Variants in PRKDC observed in about 807,000 individuals in gnomAD.
PRKDC encodes DNA-dependent protein kinase catalytic subunit.
PRKDC carries 82 observed loss-of-function variants against 486.9 expected under a neutral mutation model. That is an observed-to-expected ratio of 0.17 (90% CI 0.14 to 0.20). The LOEUF (loss-of-function observed/expected upper bound fraction) is 0.20, where lower values mean the gene tolerates loss of function less well. Among genes scored for constraint, PRKDC ranks in the 10% least tolerant of loss-of-function variants. The probability of loss-of-function intolerance (pLI) is 1.00; values close to 1 mark genes in which losing one functional copy is unlikely to be tolerated. For missense variants in PRKDC, 4,504 were observed against 5,038.2 expected, an observed-to-expected ratio of 0.89 and a Z score of 3.21; for synonymous variants, 1,895 against 1,837.0, an observed-to-expected ratio of 1.03 and a Z score of -0.81.
At chr8:47,885,461 A>T (rs2089306279) in intron 36 of PRKDC, among the ~76,000 whole-genome samples, 1 of 152,032 alleles carries the variant, frequency 6.6e-6, no homozygotes, top group Non-Finnish European at 1.5e-5. Flanking sequence ...CCTAATATTC[A>T]TTAACTATTG....
Position 47,893,144 on chromosome 8 carries a change from A to G in PRKDC, c.3842T>C (p.Val1281Ala). The G allele has an allele frequency of 6.2e-7, 1 of 1,601,112 alleles. No individual in the cohort carries two copies. The change falls in exon 31 of 86, where the codon GTC becomes GCC. Residue 1281 changes from valine (V) to alanine (A), a missense_variant. Physicochemically the swap from Val to Ala is moderately conservative, Grantham distance 64 (BLOSUM62 0). This residue lies in a region of PRKDC where 1,969 missense variants were observed against 2,068.9 expected (regional missense o/e 0.95). Transcript: ENST00000314191. ...IGERTVGALQ[V>A]LGTEAQSSLL... ...ATAAGGCAAGGGTGACCTACCTAGG[A>G]CCTGGAGCGCTCCTACAGTTCTCTC... is the stretch of plus-strand genomic sequence containing the variant.
At chr8:47,852,899 A>G (rs1258871107) in intron 51 of PRKDC, 115 bp from the exon 52 acceptor site, 2 of 699,910 alleles carry the variant, frequency 2.9e-6, no homozygotes, top group Non-Finnish European at 4.8e-6. Flanking sequence ...GAGGAAATCT[A>G]AATATAGAAT....
intron 15 of PRKDC, 96 bp downstream of exon 15, chr8:47,933,869 T>C (rs2090300532): frequency 4.6e-6 from 6 of 1,303,314 alleles, no homozygotes; most frequent in Admixed American, 5.4e-5. Context: ...TTTTGAAAGT[T>C]AGTAAAATAT....
intron 13 of PRKDC, 147 bp from the exon 14 acceptor site, chr8:47,935,205 A>C (rs2090327931): frequency 1.5e-6 from 1 of 661,374 alleles, no homozygotes; most frequent in Non-Finnish European, 2.5e-6. Context: ...TTTAATTTTA[A>C]AACTTAAAAC....
At chr8:47,793,283 C>G (rs1438107248) in intron 74 of PRKDC, among the ~76,000 whole-genome samples, 3 of 152,174 alleles carry the variant, frequency 2.0e-5, no homozygotes, top group Non-Finnish European at 4.4e-5. Flanking sequence ...GTGGGCAGGG[C>G]CTCAGTAGGG....
At chr8:47,921,254 CA>C (rs200876983) in intron 21 of PRKDC, among the ~76,000 whole-genome samples, 14 of 139,254 alleles carry the variant, frequency 1.0e-4, no homozygotes, top group Middle Eastern at 3.7e-3. Flanking sequence ...GACTCCATCT[CA>C]AAAAAAAAAG....
chr8:47,794,349 G>A lies in PRKDC; in HGVS notation c.10611C>T (p.Ser3537=), dbSNP rs765260421. 1.1e-5 allele frequency: 17 copies of A among 1,613,648 alleles called. No homozygotes were observed. The highest frequency in any genetic ancestry group is 3.3e-5 in the Admixed American group (2 of 59,960). The change falls in exon 74 of 86, where the codon AGC becomes AGT. Residue 3537 remains serine (S), a synonymous_variant. Transcript: ENST00000314191. ...QAIVYPFIIS[S]ESYSFKDTST... The stretch of plus-strand genomic sequence containing the variant: ...AAGTATCCTTGAAGGAATAGCTTTC[G>A]CTGCTTATGATGAAGGGATAAACAA...
chr8:47,816,071 G>A (rs754751840), intron 68 of PRKDC, among the ~76,000 whole-genome samples: 10 of 152,066 alleles, frequency 6.6e-5, no homozygotes, highest in Non-Finnish European at 1.0e-4. Context: ...AAATTTAGCC[G>A]GGCATGGTAG....
In PRKDC at chr8:47,882,037, G is replaced by A. The variant is rs755767960; in HGVS notation, c.4837C>T (p.His1613Tyr). Residue 1613 changes from histidine (H) to tyrosine (Y), a missense_variant, in exon 37 of 86, where the codon CAC (histidine) becomes TAC (tyrosine). His to Tyr is a moderately conservative substitution (Grantham distance 83). Around this residue, in one of 6 missense-constraint regions of PRKDC, gnomAD observed 1,969 missense variants for 2,068.9 expected, o/e 0.95. Coordinates refer to ENST00000314191, the MANE Select transcript of PRKDC (RefSeq NM_006904.7). ...GTAGTCGCAAGTTTCAGTCCTTGGT[G>A]TTTCTGGTTTGCTCGCTCCCTGAAG... ...QSFRERANQK[H>Y]QGLKLATTIL... 2.5e-6 allele frequency: 4 copies of A among 1,613,882 alleles called. No homozygotes were observed. The highest frequency in any genetic ancestry group is 3.4e-6 in the Non-Finnish European group (4 of 1,179,882).
At chr8:47,930,984 G>A (rs907692850) in intron 16 of PRKDC, among the ~76,000 whole-genome samples, 197 bp from the exon 17 acceptor site, 3 of 152,232 alleles carry the variant, frequency 2.0e-5, no homozygotes, top group African/African-American at 7.2e-5. Flanking sequence ...TAACCAAAAG[G>A]ACTCACAGGA....
chr8:47,868,101 T>C (rs1248165935), intron 40 of PRKDC, among the ~76,000 whole-genome samples: 1 of 152,136 alleles, frequency 6.6e-6, no homozygotes, highest in Admixed American at 6.5e-5. Context: ...TCTTTAAAAA[T>C]TTTTGTGTTT....
At chr8:47,897,008 G>T (rs2089593718) in intron 30 of PRKDC, among the ~76,000 whole-genome samples, 153 bp downstream of exon 30, 1 of 152,208 alleles carries the variant, frequency 6.6e-6, no homozygotes, top group African/African-American at 2.4e-5. Context: ...TGCTGAAACA[G>T]AACTGCATTA....
chr8:47,909,851 T>A (rs117119964), intron 25 of PRKDC, among the ~76,000 whole-genome samples: 32 of 152,150 alleles, frequency 2.1e-4, no homozygotes, highest in Non-Finnish European at 4.3e-4. Flanking sequence ...TAAATTCTAG[T>A]CAGATTGGTT....
rs1027851739 is a variant in PRKDC at position 47,818,741 on chromosome 8, A to T, written c.9445+661T>A. Among the ~76,000 whole-genome samples, 250 of 152,352 alleles carry T rather than the reference A, an allele frequency of 1.6e-3. 2 individuals carry two copies. Among genetic ancestry groups the T allele is most frequent in the Non-Finnish European group, 2.6e-4 (18 of 68,030 alleles). ...TAAAATAGAAAATAACTAGGTAGAC[A>T]TAAATATCAGTTTTTATCAGTATTC... On this transcript the variant is annotated intron_variant, in intron 67 of 85. Transcript: ENST00000314191.
chr8:47,855,147 C>T (rs1397325597), intron 50 of PRKDC, 75 bp downstream of exon 50: 2 of 1,312,004 alleles, frequency 1.5e-6, no homozygotes, highest in African/African-American at 1.5e-5. Flanking sequence ...TTAAATTTCA[C>T]TGTAATCATC....
chr8:47,896,682 G>T (rs1384130995), intron 30 of PRKDC, among the ~76,000 whole-genome samples: 1 of 149,642 alleles, frequency 6.7e-6, no homozygotes, highest in Non-Finnish European at 1.5e-5. Context: ...CCCAACTTTT[G>T]CCAAGGAACC....
Position 47,904,899 on chromosome 8 carries a change from C to G in PRKDC, c.3012G>C (p.Gln1004His). 1 of 1,612,960 alleles carries G rather than the reference C, an allele frequency of 6.2e-7. No individual in the cohort carries two copies. The highest frequency in any genetic ancestry group is 8.5e-7 in the Non-Finnish European group (1 of 1,179,110). The change falls in exon 26 of 86, where the codon CAG (glutamine) becomes CAC (histidine). Residue 1004 changes from glutamine (Q) to histidine (H), a missense_variant. Around this residue, in one of 6 missense-constraint regions of PRKDC, gnomAD observed 1,969 missense variants for 2,068.9 expected, o/e 0.95. Transcript: ENST00000314191. ...TAGCTTCTAGTAAGGCAACAGTATCCTGACTTTCAAATTTCTTGTTGTTAG... is the reference window on the plus strand; with the variant it reads ...TAGCTTCTAGTAAGGCAACAGTATCGTGACTTTCAAATTTCTTGTTGTTAG... ...WFTNNKKFES[Q>H]DTVALLEAIL...
intron 7 of PRKDC, among the ~76,000 whole-genome samples, chr8:47,950,108 C>T (rs1002581172): frequency 6.6e-6 from 1 of 151,534 alleles, no homozygotes; most frequent in Non-Finnish European, 1.5e-5. Context: ...CCCATCTTTA[C>T]TAAAAATACA....
At chr8:47,875,838 TAAAGAATGCTGCAGGTATGCTCCA>T (rs565363213) in intron 40 of PRKDC, among the ~76,000 whole-genome samples, 5 of 152,340 alleles carry the variant, frequency 3.3e-5, no homozygotes, top group Non-Finnish European at 7.3e-5. Flanking sequence ...TAGTCTGTCC[TAAAGAATGCTGCAGGTATGCTCCA>T]AAAGAATGTG....
Sources: gnomAD v4.1 joint callset for allele counts (sites outside exome capture counted in the v4.1 genomes callset) on GRCh38, gnomAD v4.1.1 for gene constraint, gnomAD v4.1.1 regional missense constraint, MANE v1.5 for transcripts, NCBI Gene and HGNC (gene_info 2026-07-23, HGNC 2026-07-21) for gene names.